Variants in AGPAT4 observed in about 807,000 individuals in gnomAD.
The protein encoded by AGPAT4 is 1-acyl-sn-glycerol-3-phosphate acyltransferase delta.
Under a neutral mutation model 48.0 loss-of-function variants are expected in AGPAT4, and 15 were observed. The observed-to-expected ratio is 0.31, with a 90% confidence interval of 0.21 to 0.48. The LOEUF (loss-of-function observed/expected upper bound fraction) is 0.48. Among genes scored for constraint, AGPAT4 ranks in the 20% least tolerant of loss-of-function variants. The pLI is 0.99. For missense variants in AGPAT4, 314 were observed against 482.5 expected (o/e 0.65, Z 3.27); for synonymous variants, 178 against 198.7 (o/e 0.90, Z 0.88).
In AGPAT4 at chr6:161,155,175, T is replaced by TC. The variant is rs1202050909; in HGVS notation, c.349-866dup. ...GGGTCCCCAGGGCTCGGTGTGGCCC[T>TC]CCCCAGCCAGGCGTCCACTACATCA... On this transcript the variant is annotated intron_variant, in intron 3 of 8. Transcript: ENST00000320285. The surrounding 1 kb of genome is among the most constrained non-coding windows in gnomAD (Gnocchi z 5.8). Among the ~76,000 whole-genome samples, 1 of 152,006 alleles carries TC rather than the reference T, an allele frequency of 6.6e-6. No homozygotes were observed. The highest frequency in any genetic ancestry group is 2.4e-5 in the African/African-American group (1 of 41,362).
In AGPAT4 at chr6:161,240,805, G is replaced by A. The variant is rs1286981280; in HGVS notation, c.-89-8503C>T. Among the ~76,000 whole-genome samples the A allele has an allele frequency of 6.6e-6, 1 of 152,164 alleles. No individual in the cohort carries two copies. Among genetic ancestry groups the A allele is most frequent in the East Asian group, 1.9e-4 (1 of 5,198 alleles). On this transcript the variant is annotated intron_variant, in intron 1 of 8. Coordinates refer to ENST00000320285, the MANE Select transcript of AGPAT4 (RefSeq NM_020133.3). This position sits in a 1 kb window ranked among gnomAD's most constrained non-coding sequence, Gnocchi z 5.5. Reference sequence around the variant, plus strand: ...CGGCAACTAACTTGTACAGGTCTGAGGAACGTGCTCTGTTCTCACTCCTGG... The same window carrying A: ...CGGCAACTAACTTGTACAGGTCTGAAGAACGTGCTCTGTTCTCACTCCTGG...
intron 1 of AGPAT4, among the ~76,000 whole-genome samples, chr6:161,268,688 A>G (rs984048729): frequency 6.6e-6 from 1 of 152,256 alleles, no homozygotes; most frequent in African/African-American, 2.4e-5. Flanking sequence ...CTGAGTTTAA[A>G]ATAACCAAGA....
intron 1 of AGPAT4, among the ~76,000 whole-genome samples, chr6:161,250,876 C>A (rs1782787818): frequency 6.6e-6 from 1 of 152,190 alleles, no homozygotes; most frequent in Non-Finnish European, 1.5e-5. Flanking sequence ...CATGAAGCTG[C>A]ATGTTTTAAA....
In AGPAT4 at chr6:161,204,591, C is replaced by G. The variant is rs1024755620; in HGVS notation, c.178+27445G>C. On this transcript the variant is annotated intron_variant, in intron 2 of 8. Transcript: ENST00000320285. This position sits in a 1 kb window ranked among gnomAD's most constrained non-coding sequence, Gnocchi z 4.4. ...TATTATCTCATGATGAAGTTTAACT[C>G]TCCCAAATTTTACAAATGTTAATTA... Among the ~76,000 whole-genome samples, 11 of 152,096 alleles carry G rather than the reference C, an allele frequency of 7.2e-5. No individual in the cohort carries two copies. Among genetic ancestry groups the G allele is most frequent in the African/African-American group, 2.4e-4 (10 of 41,396 alleles).
rs777635861 is a variant in AGPAT4 at position 161,200,295 on chromosome 6, G to C, written c.178+31741C>G. ...TTGATTACTCATGTAGAAAGCATTC[G>C]ATAAGTGTTAACTAATATTTCACAT... On this transcript the variant is annotated intron_variant, in intron 2 of 8. Coordinates refer to ENST00000320285, the MANE Select transcript of AGPAT4 (RefSeq NM_020133.3). This position sits in a 1 kb window ranked among gnomAD's most constrained non-coding sequence, Gnocchi z 5.5. 6.6e-6 allele frequency among the ~76,000 whole-genome samples: 1 copy of C among 152,218 alleles called. No homozygotes were observed. Among genetic ancestry groups the C allele is most frequent in the Non-Finnish European group, 1.5e-5 (1 of 68,040 alleles).
chr6:161,173,489 T>A (rs548311306), intron 2 of AGPAT4, among the ~76,000 whole-genome samples: 18 of 152,000 alleles, frequency 1.2e-4, no homozygotes, highest in Admixed American at 1.2e-3. Context: ...TTTGATGGGG[T>A]TGTTTGATTT....
At chr6:161,211,167 C>G (rs927389219) in intron 2 of AGPAT4, among the ~76,000 whole-genome samples, 1 of 152,058 alleles carries the variant, frequency 6.6e-6, no homozygotes, top group African/African-American at 2.4e-5. Context: ...CATAAATAAT[C>G]TAGCTAAACA....
chr6:161,155,847 T>A lies in AGPAT4; in HGVS notation c.349-1537A>T, dbSNP rs527882073. 6.6e-6 allele frequency among the ~76,000 whole-genome samples: 1 copy of A among 152,210 alleles called. No individual in the cohort carries two copies. On this transcript the variant is annotated intron_variant, in intron 3 of 8. Transcript: ENST00000320285. This position sits in a 1 kb window ranked among gnomAD's most constrained non-coding sequence, Gnocchi z 5.8. ...GAACTCATTCCAAACATGCAGTCAT[T>A]TGAAGGAGCTATAAATGATGATTGG...
Position 161,216,723 on chromosome 6 carries a change from G to A in AGPAT4, c.178+15313C>T, listed in dbSNP as rs768925003. On this transcript the variant is annotated intron_variant, in intron 2 of 8. Transcript: ENST00000320285. This position sits in a 1 kb window ranked among gnomAD's most constrained non-coding sequence, Gnocchi z 4.8. ...AGGCGAAAGGCTCTTCTTAAGCAGC[G>A]ACAGCAAGAGAAAATGAGAAAGAAG... Among the ~76,000 whole-genome samples the A allele has an allele frequency of 2.6e-5, 4 of 152,142 alleles. No homozygotes were observed. Among genetic ancestry groups the A allele is most frequent in the Non-Finnish European group, 4.4e-5 (3 of 68,036 alleles).
rs1328151554 is a variant in AGPAT4 at position 161,197,614 on chromosome 6, G to A, written c.179-31197C>T. ...CTCTCCTGAACCACTCTGCCTCCTT[G>A]CCAGACATCTTTACATTCCCTGCTG... On this transcript the variant is annotated intron_variant, in intron 2 of 8. Coordinates refer to ENST00000320285, the MANE Select transcript of AGPAT4 (RefSeq NM_020133.3). This position sits in a 1 kb window ranked among gnomAD's most constrained non-coding sequence, Gnocchi z 5.7. Among the ~76,000 whole-genome samples, 2 of 152,086 alleles carry A rather than the reference G, an allele frequency of 1.3e-5. No individual in the cohort carries two copies. Among genetic ancestry groups the A allele is most frequent in the Non-Finnish European group, 2.9e-5 (2 of 68,018 alleles).
In AGPAT4 at chr6:161,131,530, A is replaced by G. The variant is rs948793788; in HGVS notation, c.*5010T>C. 1.3e-5 allele frequency: 2 copies of G among 152,666 alleles called. No individual in the cohort carries two copies. Among genetic ancestry groups the G allele is most frequent in the African/African-American group, 4.8e-5 (2 of 41,460 alleles). The allele number at this position is 152,666 out of a possible 1,614,324, so 9.5% of individuals were successfully genotyped here. On this transcript the variant is annotated 3_prime_UTR_variant, in exon 9 of 9. Coordinates refer to ENST00000320285, the MANE Select transcript of AGPAT4 (RefSeq NM_020133.3). ...AATTCCATTACTCAGGCCTCTAGTAAGTGCCCCCTTCATGTAGTCACTATT... is the reference window on the plus strand; with the variant it reads ...AATTCCATTACTCAGGCCTCTAGTAGGTGCCCCCTTCATGTAGTCACTATT...
rs981935561 is a variant in AGPAT4 at position 161,178,526 on chromosome 6, C to G, written c.179-12109G>C. Among the ~76,000 whole-genome samples the G allele has an allele frequency of 6.6e-6, 1 of 152,224 alleles. No homozygotes were observed. Among genetic ancestry groups the G allele is most frequent in the East Asian group, 1.9e-4 (1 of 5,192 alleles). On this transcript the variant is annotated intron_variant, in intron 2 of 8. Transcript: ENST00000320285. This position sits in a 1 kb window ranked among gnomAD's most constrained non-coding sequence, Gnocchi z 5.1. Reference sequence around the variant, plus strand: ...AGTGAACCAATTTTCCAGGTGCCGTCTGTCACCGCTTCCCTTGGCTAGGAA... The same window carrying G: ...AGTGAACCAATTTTCCAGGTGCCGTGTGTCACCGCTTCCCTTGGCTAGGAA...
Position 161,216,620 on chromosome 6 carries a change from C to T in AGPAT4, c.178+15416G>A, listed in dbSNP as rs1216730672. ...ACTGCTGCTGAAGACATGCCCGAAA[C>T]GAAACCAAAAAAGGTTTAAAAGGTT... On this transcript the variant is annotated intron_variant, in intron 2 of 8. Transcript: ENST00000320285. The surrounding 1 kb of genome is among the most constrained non-coding windows in gnomAD (Gnocchi z 4.8). Among the ~76,000 whole-genome samples the T allele has an allele frequency of 1.3e-5, 2 of 152,066 alleles. No homozygotes were observed. The highest frequency in any genetic ancestry group is 4.8e-5 in the African/African-American group (2 of 41,394).
intron 2 of AGPAT4, among the ~76,000 whole-genome samples, chr6:161,207,544 G>A (rs1210347270): frequency 6.6e-6 from 1 of 152,222 alleles, no homozygotes; most frequent in Non-Finnish European, 1.5e-5. Context: ...AAGGTACAAA[G>A]CACTGCTCTC....
chr6:161,166,228 G>A lies in AGPAT4; in HGVS notation c.348+20C>T, dbSNP rs1459034143. 9.9e-6 allele frequency: 16 copies of A among 1,611,950 alleles called. No homozygotes were observed. In the East Asian group the frequency reaches 3.6e-4, roughly 36 times the overall value. On this transcript the variant is annotated intron_variant, in intron 3 of 8. Coordinates refer to ENST00000320285, the MANE Select transcript of AGPAT4 (RefSeq NM_020133.3). The surrounding 1 kb of genome is among the most constrained non-coding windows in gnomAD (Gnocchi z 6.7). Reference sequence around the variant, plus strand: ...ACCAGAGAAATGTGTGAGGCAGGGGGGAATGCACTTCTGACTTACCCCTAA... The same window carrying A: ...ACCAGAGAAATGTGTGAGGCAGGGGAGAATGCACTTCTGACTTACCCCTAA...
rs1196312748 is a variant in AGPAT4, at chr6:161,147,161, C to T, written c.768-562G>A. On this transcript the variant is annotated intron_variant, in intron 6 of 8. Transcript: ENST00000320285. This position sits in a 1 kb window ranked among gnomAD's most constrained non-coding sequence, Gnocchi z 4.8. ...GGATGGTGGGGAATTAAAGTTCTCC[C>T]AGATGGAAGTAGCCAGGGCATCTTC... 2.6e-5 allele frequency among the ~76,000 whole-genome samples: 4 copies of T among 152,146 alleles called. No homozygotes were observed. Among genetic ancestry groups the T allele is most frequent in the Non-Finnish European group, 5.9e-5 (4 of 68,022 alleles).
At chr6:161,153,112 G>C (rs1779638621) in intron 5 of AGPAT4, among the ~76,000 whole-genome samples, 1 of 152,210 alleles carries the variant, frequency 6.6e-6, no homozygotes, top group South Asian at 2.1e-4. Context: ...GGCAGCGCTG[G>C]CCTGGGCACC....
rs1562308549 is a variant in AGPAT4, at chr6:161,139,304, G to A, written c.1042+118C>T. ...TAATCTTTCCCTGTGATTGCAAGCT[G>A]AGCCTGCTCCTCATCCACGGCACAA... On this transcript the variant is annotated intron_variant, in intron 8 of 8. Coordinates refer to ENST00000320285, the MANE Select transcript of AGPAT4 (RefSeq NM_020133.3). This position sits in a 1 kb window ranked among gnomAD's most constrained non-coding sequence, Gnocchi z 9.1. 3.5e-6 allele frequency: 4 copies of A among 1,147,016 alleles called. No homozygotes were observed. Among genetic ancestry groups the A allele is most frequent in the Admixed American group, 4.2e-5 (2 of 47,072 alleles). 71.1% of individuals were successfully genotyped at this position (1,147,016 alleles called of 1,614,324 possible).
rs894854035 is a variant in AGPAT4 at position 161,266,834 on chromosome 6, C to T, written c.-90+7104G>A. Among the ~76,000 whole-genome samples, 2 of 152,206 alleles carry T rather than the reference C, an allele frequency of 1.3e-5. No homozygotes were observed. The highest frequency in any genetic ancestry group is 2.9e-5 in the Non-Finnish European group (2 of 68,040). On this transcript the variant is annotated intron_variant, in intron 1 of 8. Coordinates refer to ENST00000320285, the MANE Select transcript of AGPAT4 (RefSeq NM_020133.3). The surrounding 1 kb of genome is among the most constrained non-coding windows in gnomAD (Gnocchi z 6.2). ...TAAAATTTCATCCGCCTCGGTTAAC[C>T]TCTACCCACAGAAGACTGACAGCTC...
Sources: allele counts gnomAD v4.1 joint callset (sites outside exome capture counted in the v4.1 genomes callset), GRCh38; gene constraint gnomAD v4.1.1; non-coding constraint Gnocchi (gnomAD v3.1); transcripts MANE v1.5; gene names NCBI Gene and HGNC (gene_info 2026-07-23, HGNC 2026-07-21).